ZNF266: variants seen among roughly 807,000 people sequenced by gnomAD.
The protein encoded by ZNF266 is zinc finger protein 1.
In ZNF266, 16 loss-of-function variants were observed where a neutral mutation model predicts 16.4. That is an observed-to-expected ratio of 0.98 (90% CI 0.66 to 1.48). The LOEUF (loss-of-function observed/expected upper bound fraction) is 1.48, where lower values mean the gene tolerates loss of function less well. ZNF266 is among the 40% of genes most tolerant of loss of function. ZNF266 has a pLI of 0.00. For synonymous variants in ZNF266, 262 were observed against 237.9 expected, an observed-to-expected ratio of 1.10 and a Z score of -0.93; for missense variants, 738 against 689.1, an observed-to-expected ratio of 1.07 and a Z score of -0.79.
In ZNF266 at chr19:9,417,825, C is replaced by CA; in HGVS notation, c.316+2dup. 1.3e-5 allele frequency: 21 copies of CA among 1,613,424 alleles called. No homozygotes were observed. The highest frequency in any genetic ancestry group is 1.8e-5 in the Non-Finnish European group (21 of 1,179,528). ...ACCAGGGCGGTCCTTTGTGAACACT[C>CA]ACCTTGGAAATCACCTCTCTGCACT... On this transcript the variant is annotated splice_region_variant and intron_variant, in intron 9 of 10. Coordinates refer to ENST00000592904, the MANE Select transcript of ZNF266 (RefSeq NM_001370374.1).
At chr19:9,423,922 G>A (rs977368325) in intron 5 of ZNF266, among the ~76,000 whole-genome samples, 3 of 152,128 alleles carry the variant, frequency 2.0e-5, no homozygotes, top group South Asian at 2.1e-4. Context: ...GCTTGAACCC[G>A]GGAGGTGGAG....
rs150924954 is a variant in ZNF266, at chr19:9,413,531, G to A, written c.1595C>T (p.Thr532Met). Residue 532 changes from threonine to methionine, a missense_variant, in exon 11 of 11, where the codon ACG becomes ATG. By Grantham distance (81) the Thr-to-Met change is moderately conservative. Coordinates refer to ENST00000592904, the MANE Select transcript of ZNF266 (RefSeq NM_001370374.1). ...MRTHSAKKPF[T>M]CMECGKAFKF... The stretch of plus-strand genomic sequence containing the variant: ...AAAAGCTTTGCCACATTCCATACAC[G>A]TGAATGGTTTTTTGGCGCTGTGGGT... 29 of 1,613,268 alleles carry A rather than the reference G, an allele frequency of 1.8e-5. No individual in the cohort carries two copies. The highest frequency in any genetic ancestry group is 1.5e-4 in the South Asian group (14 of 91,018).
At chr19:9,426,875 T>C (rs1197420155) in intron 5 of ZNF266, among the ~76,000 whole-genome samples, 2 of 152,186 alleles carry the variant, frequency 1.3e-5, no homozygotes, top group Non-Finnish European at 2.9e-5. Context: ...CTTGCTTAAA[T>C]CTCCCATTGT....
intron 5 of ZNF266, among the ~76,000 whole-genome samples, chr19:9,428,357 G>C (rs2071080969): frequency 1.3e-5 from 2 of 152,192 alleles, no homozygotes; most frequent in Admixed American, 6.5e-5. Flanking sequence ...GGCTTCCCCT[G>C]TTCTCAGTCC....
At position 9,414,677 on chromosome 19, in the gene ZNF266, C is replaced by T; in HGVS notation, c.449G>A (p.Cys150Tyr). 1 of 1,589,426 alleles carries T rather than the reference C, an allele frequency of 6.3e-7. No individual in the cohort carries two copies. The highest frequency in any genetic ancestry group is 8.6e-7 in the Non-Finnish European group (1 of 1,161,460). The change falls in exon 11 of 11, where the codon TGT (cysteine) becomes TAT (tyrosine). Residue 150 changes from cysteine to tyrosine, a missense_variant. By Grantham distance (194) the Cys-to-Tyr change is radical. Coordinates refer to ENST00000592904, the MANE Select transcript of ZNF266 (RefSeq NM_001370374.1). ...TGAGTGTTCACTGGAGACATCTCCA[C>T]ATTGCTTAACATCACTGACCTCCCC... ...NGGEVSDVKQ[C>Y]GDVSSEHSCL...
At chr19:9,423,081 A>T (rs1001656982) in intron 5 of ZNF266, among the ~76,000 whole-genome samples, 2 of 152,232 alleles carry the variant, frequency 1.3e-5, no homozygotes, top group African/African-American at 4.8e-5. Flanking sequence ...GTGCTTGCTC[A>T]ATGGGCCCAT....
At chr19:9,428,683 G>T (rs569917534) in intron 5 of ZNF266, among the ~76,000 whole-genome samples, 1 of 147,402 alleles carries the variant, frequency 6.8e-6, no homozygotes, top group South Asian at 2.2e-4. Context: ...AAACTATTGG[G>T]TCATTACCTA....
At chr19:9,418,463 A>C (rs772984463) in intron 8 of ZNF266, 42 bp downstream of exon 8, 2 of 1,607,702 alleles carry the variant, frequency 1.2e-6, no homozygotes, top group South Asian at 2.2e-5. Flanking sequence ...ACATAACATA[A>C]TCTGTTCCAT....
At chr19:9,430,064 C>T (rs2123428040) in intron 5 of ZNF266, among the ~76,000 whole-genome samples, 1 of 120,268 alleles carries the variant, frequency 8.3e-6, no homozygotes, top group African/African-American at 3.1e-5. Flanking sequence ...CTTCTGTGCT[C>T]AGCCAGCCTT....
At chr19:9,428,717 A>AG (rs2071145998) in intron 5 of ZNF266, among the ~76,000 whole-genome samples, 2 of 31,368 alleles carry the variant, frequency 6.4e-5, no homozygotes, top group South Asian at 2.5e-3. Flanking sequence ...CCAGGGTGGG[A>AG]AAAAAAAAAA....
chr19:9,426,591 G>A (rs2070787633), intron 5 of ZNF266, among the ~76,000 whole-genome samples: 2 of 151,796 alleles, frequency 1.3e-5, no homozygotes, highest in African/African-American at 4.8e-5. Flanking sequence ...CAAATGCCAG[G>A]TCTAACAAAC....
chr19:9,414,711 G>A lies in ZNF266; in HGVS notation c.415C>T (p.His139Tyr), dbSNP rs1413874969. The change falls in exon 11 of 11, where the codon CAC becomes TAC. Residue 139 changes from histidine to tyrosine, a missense_variant. Physicochemically the swap from His to Tyr is moderately conservative, Grantham distance 83 (BLOSUM62 2). Coordinates refer to ENST00000592904, the MANE Select transcript of ZNF266 (RefSeq NM_001370374.1). ...TSSGIQMIGS[H>Y]NGGEVSDVKQ... ...ACATCACTGACCTCCCCTCCGTTGT[G>A]GCTTCCTATCTGTTGATAAAGGAAT... is the stretch of plus-strand genomic sequence containing the variant. The A allele has an allele frequency of 6.4e-7, 1 of 1,563,866 alleles. No homozygotes were observed. The highest frequency in any genetic ancestry group is 8.7e-7 in the Non-Finnish European group (1 of 1,150,004).
At chr19:9,429,551 G>C (rs1462788279) in intron 5 of ZNF266, among the ~76,000 whole-genome samples, 1 of 152,022 alleles carries the variant, frequency 6.6e-6, no homozygotes, top group Non-Finnish European at 1.5e-5. Flanking sequence ...ATCACCGCTG[G>C]AAACAACATT....
At chr19:9,430,137 G>A (rs568568962) in intron 5 of ZNF266, among the ~76,000 whole-genome samples, 16 of 152,018 alleles carry the variant, frequency 1.1e-4, no homozygotes, top group African/African-American at 3.4e-4. Flanking sequence ...CCTCCCTAGC[G>A]CAGCTGCAAA....
chr19:9,432,015 G>C (rs2071678826), intron 5 of ZNF266, among the ~76,000 whole-genome samples: 1 of 152,202 alleles, frequency 6.6e-6, no homozygotes, highest in Non-Finnish European at 1.5e-5. Flanking sequence ...GAGTGCAGTA[G>C]CGCAATCTCA....
At chr19:9,432,876 C>T (rs1488215902) in intron 5 of ZNF266, among the ~76,000 whole-genome samples, 5 of 152,082 alleles carry the variant, frequency 3.3e-5, no homozygotes, top group Non-Finnish European at 7.4e-5. Context: ...ATGGGGCCAG[C>T]TTGCTAAGTG....
chr19:9,418,754 A>ACT, intron 7 of ZNF266, 123 bp from the exon 8 acceptor site: 1 of 587,850 alleles, frequency 1.7e-6, no homozygotes. Flanking sequence ...CTCTCTATCC[A>ACT]CACTCACTCA....
Position 9,434,111 on chromosome 19 carries a change from A to G in ZNF266, c.-285T>C, listed in dbSNP as rs1163986952. On this transcript the variant is annotated 5_prime_UTR_variant, in exon 4 of 11. It removes an upstream start codon present in the reference 5' UTR. Transcript: ENST00000592904. ...CTTTGATGCACTCCTCTCTCTCACC[A>G]TAGAAGTGGAGTCAGCCAATTCACA... The G allele has an allele frequency of 6.6e-6, 1 of 152,216 alleles. No individual in the cohort carries two copies. Among genetic ancestry groups the G allele is most frequent in the Non-Finnish European group, 1.5e-5 (1 of 68,044 alleles). The allele number at this position is 152,216 out of a possible 1,614,324, so 9.4% of individuals were successfully genotyped here.
intron 9 of ZNF266, among the ~76,000 whole-genome samples, chr19:9,416,785 C>A (rs1438663801): frequency 6.8e-6 from 1 of 147,338 alleles, no homozygotes; most frequent in East Asian, 2.1e-4. Flanking sequence ...GATTCTCCTG[C>A]CTCAGCCTCC....
Sources: allele counts gnomAD v4.1 joint callset (sites outside exome capture counted in the v4.1 genomes callset), GRCh38; gene constraint gnomAD v4.1.1; transcripts MANE v1.5; gene names NCBI Gene and HGNC (gene_info 2026-07-23, HGNC 2026-07-21).